The following PARP8 variants were observed in gnomAD, a reference collection of about 807,000 sequenced individuals.
PARP8 encodes the protein poly(ADP-ribose) polymerase family member 8, also known as protein mono-ADP-ribosyltransferase PARP8.
PARP8 carries 51 observed loss-of-function variants against 124.1 expected under a neutral mutation model. That is an observed-to-expected ratio of 0.41 (90% CI 0.33 to 0.52). PARP8 has a LOEUF of 0.52. PARP8 is among the 20% of genes least tolerant of loss of function. The probability of loss-of-function intolerance (pLI) is 0.21; values close to 1 mark genes in which losing one functional copy is unlikely to be tolerated. For synonymous variants in PARP8, 391 were observed against 361.5 expected (o/e 1.08, Z -0.93); for missense variants, 860 against 1,018.9 (o/e 0.84, Z 2.12).
rs779214647 is a variant in PARP8, at chr5:50,822,353, G to T, written c.1813G>T (p.Val605Leu). ...FNPRKKNYDR[V>L]MKALDSITSI... is the part of the protein sequence containing the mutation. The stretch of plus-strand genomic sequence containing the variant: ...TAAACAGAAAAAGAACTATGATCGA[G>T]TAATGAAAGCACTGGATAGCATAAC... The change falls in exon 17 of 26, where the codon GTA becomes TTA. Residue 605 changes from valine (V) to leucine (L), a missense_variant. Coordinates refer to ENST00000281631, the MANE Select transcript of PARP8 (RefSeq NM_024615.4). The T allele has an allele frequency of 1.2e-6, 2 of 1,611,400 alleles. No individual in the cohort carries two copies. Among genetic ancestry groups the T allele is most frequent in the South Asian group, 2.2e-5 (2 of 90,996 alleles).
chr5:50,703,873 T>A (rs1229858656), intron 2 of PARP8, among the ~76,000 whole-genome samples: 1 of 151,724 alleles, frequency 6.6e-6, no homozygotes, highest in South Asian at 2.1e-4. Context: ...CACTCTAGCC[T>A]GCATGATAAA....
At chr5:50,768,454 A>G (rs933238227) in intron 7 of PARP8, among the ~76,000 whole-genome samples, 3 of 152,224 alleles carry the variant, frequency 2.0e-5, no homozygotes, top group African/African-American at 7.2e-5. Flanking sequence ...ATGTCACTAC[A>G]TGTCGGGAAA....
chr5:50,728,868 A>G (rs1478326092), intron 2 of PARP8, among the ~76,000 whole-genome samples: 1 of 152,122 alleles, frequency 6.6e-6, no homozygotes, highest in Non-Finnish European at 1.5e-5. Context: ...TCCATATTTT[A>G]TATTGGAGAT....
At chr5:50,798,216 G>T (rs1428288696) in intron 14 of PARP8, among the ~76,000 whole-genome samples, 1 of 152,038 alleles carries the variant, frequency 6.6e-6, no homozygotes, top group Non-Finnish European at 1.5e-5. Flanking sequence ...TCAGTCGATG[G>T]AATTGCTAGA....
chr5:50,748,557 A>T (rs1580191192), intron 2 of PARP8, among the ~76,000 whole-genome samples: 1 of 152,130 alleles, frequency 6.6e-6, no homozygotes, highest in Admixed American at 6.5e-5. Flanking sequence ...GCTGGGGACC[A>T]ATTTTCACAA....
intron 2 of PARP8, among the ~76,000 whole-genome samples, chr5:50,727,907 C>T (rs1201555343): frequency 6.6e-6 from 1 of 152,088 alleles, no homozygotes; most frequent in East Asian, 1.9e-4. Context: ...TTGGGTGATA[C>T]TTTAATTGTG....
chr5:50,692,498 T>A (rs1447309127), intron 2 of PARP8, among the ~76,000 whole-genome samples: 7 of 152,046 alleles, frequency 4.6e-5, no homozygotes, highest in Non-Finnish European at 1.0e-4. Flanking sequence ...AAGAAGCTTT[T>A]TTTTGGTCTT....
rs147255411 is a variant in PARP8 at position 50,741,008 on chromosome 5, A to G, written c.147-9143A>G. The stretch of plus-strand genomic sequence containing the variant: ...TTGAGCTATAGAGTTATTCAGTCGT[A>G]TTTAGTTTTTCCGTCTTGGTATGCT... On this transcript the variant is annotated intron_variant, in intron 2 of 25. Coordinates refer to ENST00000281631, the MANE Select transcript of PARP8 (RefSeq NM_024615.4). 1.8e-3 allele frequency among the ~76,000 whole-genome samples: 271 copies of G among 152,188 alleles called. 1 individual carries two copies. Among genetic ancestry groups the G allele is most frequent in the African/African-American group, 6.2e-3 (259 of 41,512 alleles).
chr5:50,759,213 C>A (rs1417711461), intron 3 of PARP8, among the ~76,000 whole-genome samples: 1 of 152,074 alleles, frequency 6.6e-6, no homozygotes, highest in African/African-American at 2.4e-5. Context: ...GCCACTGTGC[C>A]CGGCCCACTA....
chr5:50,796,956 A>AT lies in PARP8; in HGVS notation c.1429-17dup, dbSNP rs748251172. The stretch of plus-strand genomic sequence containing the variant: ...CATTTTTACATTTAAAAAAATTATC[A>AT]TTTTTTTTTACTTTGCTTTTTATAG... On this transcript the variant is annotated intron_variant, in intron 12 of 25. Coordinates refer to ENST00000281631, the MANE Select transcript of PARP8 (RefSeq NM_024615.4). The AT allele has an allele frequency of 3.3e-4, 508 of 1,561,768 alleles. 1 individual carries two copies. The highest frequency in any genetic ancestry group is 1.0e-3 in the Middle Eastern group (6 of 5,912).
At chr5:50,776,605 A>G (rs73101090) in intron 7 of PARP8, among the ~76,000 whole-genome samples, 118 of 152,334 alleles carry the variant, frequency 7.7e-4, no homozygotes, top group African/African-American at 2.8e-3. Flanking sequence ...AATGTGCTCA[A>G]TGTTTTAATG....
chr5:50,698,011 T>G (rs2149470991), intron 2 of PARP8, among the ~76,000 whole-genome samples: 1 of 152,308 alleles, frequency 6.6e-6, no homozygotes, highest in East Asian at 1.9e-4. Flanking sequence ...TCTCTCTCTC[T>G]CCTTGTGATT....
intron 2 of PARP8, among the ~76,000 whole-genome samples, chr5:50,705,692 T>C (rs1243133618): frequency 6.6e-6 from 1 of 151,858 alleles, no homozygotes. Flanking sequence ...GGCTGAGGCA[T>C]GAGAGTCTCT....
intron 2 of PARP8, among the ~76,000 whole-genome samples, chr5:50,693,295 C>T (rs1040514002): frequency 1.1e-4 from 16 of 152,028 alleles, no homozygotes; most frequent in African/African-American, 3.9e-4. Flanking sequence ...CAGAGGATTC[C>T]CAGGCATAGA....
At chr5:50,794,137 TAATA>T in intron 10 of PARP8, 66 bp from the exon 11 acceptor site, 2 of 1,494,024 alleles carry the variant, frequency 1.3e-6, no homozygotes, top group East Asian at 2.3e-5. Context: ...ATTTTCTACA[TAATA>T]AATACAGTAA....
intron 7 of PARP8, among the ~76,000 whole-genome samples, chr5:50,775,036 G>A (rs1184231866): frequency 2.7e-5 from 4 of 145,494 alleles, no homozygotes; most frequent in Admixed American, 2.1e-4. Context: ...TTCCTAGATG[G>A]GGTGGCAGCT....
intron 14 of PARP8, among the ~76,000 whole-genome samples, chr5:50,797,818 A>C (rs1186652041): frequency 6.6e-6 from 1 of 152,220 alleles, no homozygotes; most frequent in Non-Finnish European, 1.5e-5. Context: ...TTATTGCTAA[A>C]ATATAACTTA....
In PARP8 at chr5:50,758,183, TAA is replaced by T. The variant is rs1361981520; in HGVS notation, c.185-1459_185-1458del. ...AAGTCTCAACTAATGAGATAATAATTAAGTTTATATTAAACCTGTTTCTTAAT... is the reference window on the plus strand; with the variant it reads ...AAGTCTCAACTAATGAGATAATAATTGTTTATATTAAACCTGTTTCTTAAT... On this transcript the variant is annotated intron_variant, in intron 3 of 25. Transcript: ENST00000281631. 9.2e-5 allele frequency among the ~76,000 whole-genome samples: 14 copies of T among 152,272 alleles called. No homozygotes were observed. In the East Asian group the frequency reaches 2.7e-3, roughly 29 times the overall value.
rs990491229 is a variant in PARP8, at chr5:50,700,277, T to G, written c.146+32152T>G. Among the ~76,000 whole-genome samples, 9 of 152,314 alleles carry G rather than the reference T, an allele frequency of 5.9e-5. No individual in the cohort carries two copies. The East Asian group carries it at 7.7e-4, about 13-fold the overall frequency. Reference sequence around the variant, plus strand: ...GAAAAGTGAACTTACCTTTAAATGGTTTTCCTCTTTGAAATTCTCTGAGAG... The same window carrying G: ...GAAAAGTGAACTTACCTTTAAATGGGTTTCCTCTTTGAAATTCTCTGAGAG... On this transcript the variant is annotated intron_variant, in intron 2 of 25. Coordinates refer to ENST00000281631, the MANE Select transcript of PARP8 (RefSeq NM_024615.4).
Sources: allele counts gnomAD v4.1 joint callset (sites outside exome capture counted in the v4.1 genomes callset), GRCh38; gene constraint gnomAD v4.1.1; transcripts MANE v1.5; gene names NCBI Gene and HGNC (gene_info 2026-07-23, HGNC 2026-07-21).